Variants in ANKS6 observed in about 807,000 individuals in gnomAD.
ANKS6 encodes ankyrin repeat and sterile alpha motif domain containing 6.
ANKS6 carries 47 observed loss-of-function variants against 77.9 expected under a neutral mutation model. The ratio of observed to expected loss-of-function variants is 0.60; its 90% CI spans 0.48 to 0.77. The LOEUF (loss-of-function observed/expected upper bound fraction) is 0.77, where lower values mean the gene tolerates loss of function less well. Ranked by LOEUF, ANKS6 falls within the 30% of genes least tolerant of loss-of-function variation. The pLI, the probability that ANKS6 is intolerant of heterozygous loss-of-function variation, is 0.00. For synonymous variants in ANKS6, 488 were observed against 501.7 expected, an observed-to-expected ratio of 0.97 and a Z score of 0.37; for missense variants, 1,150 against 1,159.1, an observed-to-expected ratio of 0.99 and a Z score of 0.11.
chr9:98,791,612 AT>A lies in ANKS6; in HGVS notation c.360-1007del, dbSNP rs889441260. On this transcript the variant is annotated intron_variant, in intron 1 of 14. Coordinates refer to ENST00000353234, the MANE Select transcript of ANKS6 (RefSeq NM_173551.5). The surrounding 1 kb of genome is among the most constrained non-coding windows in gnomAD (Gnocchi z 4.3). ...GCGGCCCTGGACTAACAAGAAAACA[AT>A]GACAAGACAGGGGCTGTCTACTCCA... 2.0e-5 allele frequency among the ~76,000 whole-genome samples: 3 copies of A among 152,148 alleles called. No homozygotes were observed. The highest frequency in any genetic ancestry group is 7.2e-5 in the African/African-American group (3 of 41,430).
intron 1 of ANKS6, among the ~76,000 whole-genome samples, chr9:98,793,069 C>A (rs192281761): frequency 6.6e-6 from 1 of 152,316 alleles, no homozygotes; most frequent in Non-Finnish European, 1.5e-5. Context: ...GCAATTAACA[C>A]CTGTGTTTAA....
At chr9:98,763,795 C>A (rs1833134673) in intron 11 of ANKS6, among the ~76,000 whole-genome samples, 1 of 151,984 alleles carries the variant, frequency 6.6e-6, no homozygotes, top group South Asian at 2.1e-4. Flanking sequence ...AGGAGACATT[C>A]CTACTGATCC....
chr9:98,772,573 G>A (rs1004453576), intron 9 of ANKS6, among the ~76,000 whole-genome samples: 4 of 152,214 alleles, frequency 2.6e-5, no homozygotes, highest in Non-Finnish European at 4.4e-5. Flanking sequence ...GGGAGAGACA[G>A]TGACAGATCC....
At chr9:98,741,507 T>C (rs1039324791) in intron 14 of ANKS6, among the ~76,000 whole-genome samples, 13 of 152,238 alleles carry the variant, frequency 8.5e-5, no homozygotes, top group African/African-American at 2.9e-4. Flanking sequence ...CTCTGAGTGA[T>C]TGGATTGTGA....
chr9:98,750,522 T>G (rs990947392), intron 13 of ANKS6, among the ~76,000 whole-genome samples: 10 of 152,248 alleles, frequency 6.6e-5, no homozygotes, highest in Admixed American at 6.5e-4. Flanking sequence ...TTCATTTCTC[T>G]TGGGAATATA....
chr9:98,756,524 G>C lies in ANKS6; in HGVS notation c.2222C>G (p.Pro741Arg), dbSNP rs1240264391. The C allele has an allele frequency of 1.2e-6, 2 of 1,607,294 alleles. No homozygotes were observed. The highest frequency in any genetic ancestry group is 1.7e-6 in the Non-Finnish European group (2 of 1,177,334). The change falls in exon 12 of 15, where the codon CCC becomes CGC. Residue 741 changes from proline to arginine, a missense_variant. Transcript: ENST00000353234. ...KSTSPTLTPS[P>R]SPKGHTAESS... Reference sequence around the variant, plus strand: ...CTCTGCAGTGTGCCCTTTGGGTGAGGGGGAGGGCGTGAGGGTTGGAGAGGT... The same window carrying C: ...CTCTGCAGTGTGCCCTTTGGGTGAGCGGGAGGGCGTGAGGGTTGGAGAGGT...
At chr9:98,792,824 A>G (rs898015867) in intron 1 of ANKS6, among the ~76,000 whole-genome samples, 1 of 152,238 alleles carries the variant, frequency 6.6e-6, no homozygotes, top group African/African-American at 2.4e-5. Context: ...AAGCTCCAGT[A>G]TAACCAATTT....
intron 11 of ANKS6, among the ~76,000 whole-genome samples, chr9:98,762,113 T>C (rs60698775): frequency 0.22 from 32,733 of 152,068 alleles, 3,924 homozygotes; most frequent in East Asian, 0.35. Flanking sequence ...CTAAGTATTA[T>C]ATTATATTCC....
rs1014826217 is a variant in ANKS6, at chr9:98,779,352, C to G, written c.1368+837G>C. Among the ~76,000 whole-genome samples the G allele has an allele frequency of 2.0e-5, 3 of 152,124 alleles. No individual in the cohort carries two copies. The South Asian group carries it at 6.2e-4, about 32-fold the overall frequency. ...AGGGCCTGTGGACTGCAGGGAGACC[C>G]CAGAGTGGCATGATCAGCAAATATC... is the stretch of plus-strand genomic sequence containing the variant. On this transcript the variant is annotated intron_variant, in intron 6 of 14. Coordinates refer to ENST00000353234, the MANE Select transcript of ANKS6 (RefSeq NM_173551.5).
chr9:98,739,806 G>A (rs953432182), intron 14 of ANKS6, among the ~76,000 whole-genome samples: 1 of 108,552 alleles, frequency 9.2e-6, no homozygotes, highest in Non-Finnish European at 1.7e-5. Flanking sequence ...CCAGGCTGGA[G>A]TGCAGTGGCG....
intron 12 of ANKS6, 46 bp from the exon 13 acceptor site, chr9:98,751,142 G>T (rs1832410853): frequency 6.8e-7 from 1 of 1,480,474 alleles, no homozygotes; most frequent in African/African-American, 1.4e-5. Flanking sequence ...TTTAGAATTT[G>T]GTAAAGTGGT....
chr9:98,786,741 C>G (rs1469630427), intron 2 of ANKS6, among the ~76,000 whole-genome samples: 1 of 152,236 alleles, frequency 6.6e-6, no homozygotes, highest in Non-Finnish European at 1.5e-5. Flanking sequence ...ACCAACTTTG[C>G]TGTGGGGTGG....
chr9:98,737,132 C>A (rs1157774583), intron 14 of ANKS6, among the ~76,000 whole-genome samples: 1 of 152,192 alleles, frequency 6.6e-6, no homozygotes, highest in Non-Finnish European at 1.5e-5. Context: ...GCCCCCTATA[C>A]ACACATTTTC....
At chr9:98,746,925 C>T (rs965142539) in intron 13 of ANKS6, among the ~76,000 whole-genome samples, 2 of 152,244 alleles carry the variant, frequency 1.3e-5, no homozygotes, top group Non-Finnish European at 2.9e-5. Flanking sequence ...CCCACACCCA[C>T]GTCTTCAGCC....
rs750960018 is a variant in ANKS6, at chr9:98,733,657, T to C, written c.*2862A>G. On this transcript the variant is annotated 3_prime_UTR_variant, in exon 15 of 15. Transcript: ENST00000353234. ...TTGCAAAAGCACCTTGGAGAAGTGATGAGAGTAATGTGGGAGATGCTATGA... is the reference window on the plus strand; with the variant it reads ...TTGCAAAAGCACCTTGGAGAAGTGACGAGAGTAATGTGGGAGATGCTATGA... 1.0e-6 allele frequency: 1 copy of C among 984,666 alleles called. No homozygotes were observed. Among genetic ancestry groups the C allele is most frequent in the South Asian group, 4.7e-5 (1 of 21,270 alleles). 61.0% of individuals were successfully genotyped at this position (984,666 alleles called of 1,614,324 possible).
At chr9:98,756,066 T>C (rs960964694) in intron 12 of ANKS6, among the ~76,000 whole-genome samples, 2 of 152,118 alleles carry the variant, frequency 1.3e-5, no homozygotes, top group Non-Finnish European at 2.9e-5. Flanking sequence ...TTTTTTTCCC[T>C]TGAACCAGTG....
chr9:98,758,154 C>T (rs1253519289), intron 11 of ANKS6, among the ~76,000 whole-genome samples: 1 of 151,982 alleles, frequency 6.6e-6, no homozygotes, highest in African/African-American at 2.4e-5. Flanking sequence ...TTCTTTCTCT[C>T]CTATTTATTT....
At chr9:98,792,818 T>C (rs1228604286) in intron 1 of ANKS6, among the ~76,000 whole-genome samples, 1 of 152,114 alleles carries the variant, frequency 6.6e-6, no homozygotes, top group African/African-American at 2.4e-5. Context: ...AAATCGAAGC[T>C]CCAGTATAAC....
chr9:98,780,152 T>C, intron 6 of ANKS6, 37 bp downstream of exon 6: 1 of 1,609,822 alleles, frequency 6.2e-7, no homozygotes, highest in Non-Finnish European at 8.5e-7. Context: ...CCCATCTCCC[T>C]AGCCCCCAAG....
Sources: gnomAD v4.1 joint callset for allele counts (sites outside exome capture counted in the v4.1 genomes callset) on GRCh38, gnomAD v4.1.1 for gene constraint, Gnocchi (gnomAD v3.1) non-coding constraint, MANE v1.5 for transcripts, NCBI Gene and HGNC (gene_info 2026-07-23, HGNC 2026-07-21) for gene names.